CAB39L: variants seen among roughly 807,000 people sequenced by gnomAD.
CAB39L encodes calcium binding protein 39 like, also known as calcium-binding protein 39-like.
In CAB39L, 23 loss-of-function variants were observed where a neutral mutation model predicts 39.1. The observed-to-expected ratio is 0.59, with a 90% confidence interval of 0.42 to 0.83. CAB39L has a LOEUF of 0.83. Ranked by LOEUF, CAB39L falls within the 40% of genes least tolerant of loss-of-function variation. CAB39L has a pLI of 0.00. For synonymous variants in CAB39L, 126 were observed against 137.2 expected, an observed-to-expected ratio of 0.92 and a Z score of 0.57; for missense variants, 366 against 391.9, an observed-to-expected ratio of 0.93 and a Z score of 0.56.
chr13:49,359,576 G>T, intron 6 of CAB39L, 138 bp downstream of exon 6: 1 of 537,236 alleles, frequency 1.9e-6, no homozygotes, highest in Non-Finnish European at 3.3e-6. Context: ...CAGATCTGGA[G>T]GGCTGACCTC....
intron 1 of CAB39L, among the ~76,000 whole-genome samples, chr13:49,437,117 T>C (rs1166219836): frequency 1.3e-5 from 2 of 152,188 alleles, no homozygotes; most frequent in African/African-American, 4.8e-5. Flanking sequence ...CTAAAGTAAC[T>C]TTATATGGAT....
At chr13:49,406,537 T>A (rs1222750498) in intron 3 of CAB39L, among the ~76,000 whole-genome samples, 2 of 151,870 alleles carry the variant, frequency 1.3e-5, no homozygotes, top group African/African-American at 4.8e-5. Context: ...ATACCCTATT[T>A]ACCCTGAGGT....
intron 4 of CAB39L, among the ~76,000 whole-genome samples, chr13:49,381,606 T>C (rs1467260146): frequency 2.0e-5 from 3 of 152,230 alleles, no homozygotes; most frequent in African/African-American, 7.2e-5. Context: ...ACTTTATGGA[T>C]CAGTACATTA....
intron 6 of CAB39L, among the ~76,000 whole-genome samples, chr13:49,351,421 T>G (rs1566083384): frequency 1.3e-5 from 2 of 151,940 alleles, no homozygotes; most frequent in African/African-American, 4.8e-5. Flanking sequence ...GAAGGAGGAA[T>G]AAAGCCTGTG....
intron 10 of CAB39L, among the ~76,000 whole-genome samples, chr13:49,314,810 C>T (rs1954108621): frequency 6.6e-6 from 1 of 152,154 alleles, no homozygotes; most frequent in Non-Finnish European, 1.5e-5. Flanking sequence ...GATAACAGTA[C>T]CTGAGTGCCA....
At chr13:49,377,840 T>C (rs1487681143) in intron 4 of CAB39L, among the ~76,000 whole-genome samples, 1 of 93,332 alleles carries the variant, frequency 1.1e-5, no homozygotes, top group African/African-American at 6.0e-5. Context: ...GGAGCCCCTC[T>C]GCCTGGCTGC....
intron 3 of CAB39L, among the ~76,000 whole-genome samples, chr13:49,389,044 C>CCTA (rs1956431756): frequency 6.6e-6 from 1 of 151,890 alleles, no homozygotes; most frequent in South Asian, 2.1e-4. Flanking sequence ...GTGACATAGC[C>CCTA]AATCAAAATA....
intron 5 of CAB39L, among the ~76,000 whole-genome samples, chr13:49,360,748 G>A (rs1955609183): frequency 6.6e-6 from 1 of 152,112 alleles, no homozygotes; most frequent in Non-Finnish European, 1.5e-5. Flanking sequence ...TCTCATGATA[G>A]TGAATCAGTT....
intron 4 of CAB39L, among the ~76,000 whole-genome samples, chr13:49,377,885 C>T (rs1352278268): frequency 2.5e-5 from 2 of 78,648 alleles, no homozygotes; most frequent in African/African-American, 7.5e-5. Flanking sequence ...TCCGCCCGGC[C>T]GCCATCCCAT....
chr13:49,364,959 T>C (rs553323249), intron 5 of CAB39L, among the ~76,000 whole-genome samples: 2 of 152,230 alleles, frequency 1.3e-5, no homozygotes, highest in South Asian at 4.1e-4. Flanking sequence ...AAAATTTACA[T>C]GGAACCACAA....
chr13:49,353,236 G>A (rs1955404545), intron 6 of CAB39L, among the ~76,000 whole-genome samples: 1 of 152,124 alleles, frequency 6.6e-6, no homozygotes, highest in African/African-American at 2.4e-5. Context: ...TCAGCCTATT[G>A]GCTCACAAGG....
At chr13:49,356,002 A>G (rs1955474021) in intron 6 of CAB39L, among the ~76,000 whole-genome samples, 4 of 152,160 alleles carry the variant, frequency 2.6e-5, no homozygotes, top group Non-Finnish European at 5.9e-5. Flanking sequence ...ACTTTAGCCA[A>G]TAAAAAATAC....
chr13:49,344,220 T>C lies in CAB39L; in HGVS notation c.583A>G (p.Lys195Glu), dbSNP rs1426544482. Residue 195 changes from lysine to glutamate, a missense_variant, in exon 8 of 11, where the codon AAA becomes GAA. Transcript: ENST00000409308. ...TCTAAGAAGTCTGCTACCAACACTTTATGTCTGGTTAGTAAATCCTAGAAA... is the reference window on the plus strand; with the variant it reads ...TCTAAGAAGTCTGCTACCAACACTTCATGTCTGGTTAGTAAATCCTAGAAA... ...ATFKDLLTRH[K>E]VLVADFLEQN... 2.5e-6 allele frequency: 4 copies of C among 1,596,244 alleles called. No individual in the cohort carries two copies. The highest frequency in any genetic ancestry group is 3.4e-6 in the Non-Finnish European group (4 of 1,164,504).
At chr13:49,337,974 G>C (rs1025101743) in intron 9 of CAB39L, among the ~76,000 whole-genome samples, 2 of 152,134 alleles carry the variant, frequency 1.3e-5, no homozygotes, top group African/African-American at 4.8e-5. Flanking sequence ...TAACTAAATG[G>C]AATGTCTTAT....
rs375181965 is a variant in CAB39L at position 49,359,705 on chromosome 13, T to C, written c.395+9A>G. Reference sequence around the variant, plus strand: ...CTTAGCCCTACTTGAAAGGAAGCCATGTACCTACCCTTTGAGGAGCATAAA... The same window carrying C: ...CTTAGCCCTACTTGAAAGGAAGCCACGTACCTACCCTTTGAGGAGCATAAA... On this transcript the variant is annotated intron_variant, in intron 6 of 10. Transcript: ENST00000409308. 2.0e-6 allele frequency: 3 copies of C among 1,470,860 alleles called. No individual in the cohort carries two copies. Among genetic ancestry groups the C allele is most frequent in the Non-Finnish European group, 2.8e-6 (3 of 1,055,776 alleles). The allele number at this position is 1,470,860 out of a possible 1,614,324, so 91.1% of individuals were successfully genotyped here.
At chr13:49,356,313 A>G (rs1955481887) in intron 6 of CAB39L, among the ~76,000 whole-genome samples, 1 of 152,186 alleles carries the variant, frequency 6.6e-6, no homozygotes, top group African/African-American at 2.4e-5. Flanking sequence ...GAAATTTATG[A>G]TTTTAACATC....
intron 6 of CAB39L, among the ~76,000 whole-genome samples, chr13:49,352,387 T>C (rs186414810): frequency 2.5e-3 from 381 of 151,740 alleles, no homozygotes; most frequent in Non-Finnish European, 3.7e-3. Context: ...GTGGTAAATA[T>C]AGGAAGAATA....
At chr13:49,325,337 T>C (rs1300845502) in intron 10 of CAB39L, among the ~76,000 whole-genome samples, 2 of 152,200 alleles carry the variant, frequency 1.3e-5, no homozygotes, top group African/African-American at 4.8e-5. Flanking sequence ...AAGTCAGAAG[T>C]TGGTATACTT....
rs1470551565 is a variant in CAB39L at position 49,380,123 on chromosome 13, G to GCC, written c.111+2675_111+2676dup. Among the ~76,000 whole-genome samples, 5 of 152,320 alleles carry GCC rather than the reference G, an allele frequency of 3.3e-5. No individual in the cohort carries two copies. The East Asian group carries it at 9.6e-4, about 29-fold the overall frequency. On this transcript the variant is annotated intron_variant, in intron 4 of 10. Coordinates refer to ENST00000409308, the MANE Select transcript of CAB39L (RefSeq NM_001079670.3). ...CAAAGTGCTGGGATTACAGGCGTGAGCCACTGCATCCGGCCCAGTAATCTT... is the reference window on the plus strand; with the variant it reads ...CAAAGTGCTGGGATTACAGGCGTGAGCCCCACTGCATCCGGCCCAGTAATCTT...
Sources: allele counts gnomAD v4.1 joint callset (sites outside exome capture counted in the v4.1 genomes callset), GRCh38; gene constraint gnomAD v4.1.1; transcripts MANE v1.5; gene names NCBI Gene and HGNC (gene_info 2026-07-23, HGNC 2026-07-21).